The following GAS2 variants were observed in gnomAD, a reference collection of about 807,000 sequenced individuals.
The protein encoded by GAS2 is growth arrest specific 2.
In GAS2, 20 loss-of-function variants were observed where a neutral mutation model predicts 37.5. The ratio of observed to expected loss-of-function variants is 0.53; its 90% CI spans 0.37 to 0.77. The LOEUF (loss-of-function observed/expected upper bound fraction) is 0.77, where lower values mean the gene tolerates loss of function less well. GAS2 is among the 30% of genes least tolerant of loss of function. The pLI is 0.00. For missense variants in GAS2, 336 were observed against 373.4 expected, an observed-to-expected ratio of 0.90 and a Z score of 0.82; for synonymous variants, 144 against 132.2, an observed-to-expected ratio of 1.09 and a Z score of -0.61.
chr11:22,740,211 A>G (rs2134239346), intron 5 of GAS2, among the ~76,000 whole-genome samples: 1 of 152,314 alleles, frequency 6.6e-6, no homozygotes, highest in East Asian at 1.9e-4. Context: ...GTAATACATT[A>G]TGTGAATAGT....
chr11:22,680,476 C>T (rs1423536064), intron 2 of GAS2, among the ~76,000 whole-genome samples: 1 of 152,060 alleles, frequency 6.6e-6, no homozygotes, highest in Non-Finnish European at 1.5e-5. Context: ...GCATATGAAC[C>T]ACTTTGAATT....
At chr11:22,767,554 T>C (rs1311575584) in intron 7 of GAS2, among the ~76,000 whole-genome samples, 1 of 70,136 alleles carries the variant, frequency 1.4e-5, no homozygotes, top group Non-Finnish European at 4.4e-5. Flanking sequence ...TGTGAATGAT[T>C]TTTTTTGCAA....
chr11:22,692,293 A>G (rs1320311847), intron 3 of GAS2, among the ~76,000 whole-genome samples: 2 of 152,184 alleles, frequency 1.3e-5, no homozygotes, highest in African/African-American at 4.8e-5. Context: ...TTGTAAACCC[A>G]GAAAATCGGA....
chr11:22,728,454 G>A (rs1337765339), intron 4 of GAS2, among the ~76,000 whole-genome samples: 2 of 151,550 alleles, frequency 1.3e-5, no homozygotes, highest in Admixed American at 6.6e-5. Flanking sequence ...ATTATGTCAG[G>A]AAGAACTTTT....
At chr11:22,652,993 G>GTCTTTTTCTTTCTTTCTTTCTTTCTT (rs1554965876) in intron 1 of GAS2, among the ~76,000 whole-genome samples, 1 of 97,036 alleles carries the variant, frequency 1.0e-5, no homozygotes, top group Non-Finnish European at 2.0e-5. Context: ...TTCTTTCTTT[G>GTCTTTTTCTTTCTTTCTTTCTTTCTT]TCTTTCTTTC....
chr11:22,736,687 T>C (rs1476670988), intron 4 of GAS2, among the ~76,000 whole-genome samples: 1 of 152,094 alleles, frequency 6.6e-6, no homozygotes, highest in Non-Finnish European at 1.5e-5. Flanking sequence ...GTTAAATTAT[T>C]ACGGAATTCT....
intron 1 of GAS2, among the ~76,000 whole-genome samples, chr11:22,629,539 G>A (rs1858716167): frequency 6.6e-6 from 1 of 152,100 alleles, no homozygotes; most frequent in South Asian, 2.1e-4. Flanking sequence ...GTTTTAATTT[G>A]CATTTCCCTG....
In GAS2 at chr11:22,765,639, C is replaced by T. The variant is rs565316651; in HGVS notation, c.723+9686C>T. The stretch of plus-strand genomic sequence containing the variant: ...CTAAAATTACAAAAAATTAGCCTGG[C>T]GTGGTGGCAGGCACCTGTAGTCCCA... On this transcript the variant is annotated intron_variant, in intron 7 of 7. Coordinates refer to ENST00000454584, the MANE Select transcript of GAS2 (RefSeq NM_001143830.3). Among the ~76,000 whole-genome samples the T allele has an allele frequency of 5.3e-5, 8 of 151,996 alleles. No homozygotes were observed. In the East Asian group the frequency reaches 7.8e-4, roughly 15 times the overall value.
intron 7 of GAS2, among the ~76,000 whole-genome samples, chr11:22,808,244 G>C (rs1856989381): frequency 6.6e-6 from 1 of 152,152 alleles, no homozygotes; most frequent in Non-Finnish European, 1.5e-5. Flanking sequence ...GCTAGACTTT[G>C]GAGATAGATG....
chr11:22,714,450 C>T (rs1053976702), intron 3 of GAS2, among the ~76,000 whole-genome samples: 1 of 152,080 alleles, frequency 6.6e-6, no homozygotes, highest in Non-Finnish European at 1.5e-5. Flanking sequence ...ACTCCACTGA[C>T]AGCACTAGAT....
chr11:22,713,983 A>G (rs1565104096), intron 3 of GAS2, among the ~76,000 whole-genome samples: 1 of 152,172 alleles, frequency 6.6e-6, no homozygotes, highest in Non-Finnish European at 1.5e-5. Context: ...AAAACAGGGT[A>G]TTCAGGTAAC....
chr11:22,805,367 C>T (rs943349445), intron 7 of GAS2, among the ~76,000 whole-genome samples: 20 of 151,966 alleles, frequency 1.3e-4, no homozygotes, highest in Admixed American at 1.3e-3. Flanking sequence ...ATTTTTGTGG[C>T]AAGAACTCTT....
In GAS2 at chr11:22,685,762, G is replaced by C. The variant is rs146975877; in HGVS notation, c.240G>C (p.Glu80Asp). ...LAETMQEKFKESMDANKPTKN... is the reference protein window; with the variant it reads ...LAETMQEKFKDSMDANKPTKN... Reference sequence around the variant, plus strand: ...AAACTATGCAGGAGAAATTCAAGGAGAGCATGGATGCTAACAAGCCCACAA... The same window carrying C: ...AAACTATGCAGGAGAAATTCAAGGACAGCATGGATGCTAACAAGCCCACAA... The change falls in exon 3 of 8, where the codon GAG (glutamate) becomes GAC (aspartate). Residue 80 changes from glutamate to aspartate, a missense_variant. Coordinates refer to ENST00000454584, the MANE Select transcript of GAS2 (RefSeq NM_001143830.3). 1 of 1,613,596 alleles carries C rather than the reference G, an allele frequency of 6.2e-7. No homozygotes were observed. The highest frequency in any genetic ancestry group is 1.1e-5 in the South Asian group (1 of 90,994).
chr11:22,658,396 T>G (rs1168508897), intron 1 of GAS2, among the ~76,000 whole-genome samples: 1 of 152,058 alleles, frequency 6.6e-6, no homozygotes, highest in East Asian at 1.9e-4. Context: ...ACACAATAGA[T>G]CCCTCTAGAT....
At chr11:22,641,731 G>A (rs1848631245) in intron 1 of GAS2, among the ~76,000 whole-genome samples, 1 of 152,098 alleles carries the variant, frequency 6.6e-6, no homozygotes, top group African/African-American at 2.4e-5. Flanking sequence ...GAGTTTGACT[G>A]ACACAGTTGC....
intron 7 of GAS2, among the ~76,000 whole-genome samples, chr11:22,806,461 A>G (rs762958254): frequency 5.3e-5 from 8 of 152,202 alleles, no homozygotes; most frequent in Non-Finnish European, 7.3e-5. Context: ...GCTTGTATAT[A>G]TACCTAGTGG....
intron 3 of GAS2, among the ~76,000 whole-genome samples, chr11:22,695,214 G>A (rs552824287): frequency 4.3e-4 from 65 of 152,184 alleles, no homozygotes; most frequent in Non-Finnish European, 1.2e-4. Flanking sequence ...CCAGCACTTG[G>A]GAGGCTGAGG....
At chr11:22,693,488 G>A (rs1174922314) in intron 3 of GAS2, among the ~76,000 whole-genome samples, 2 of 151,992 alleles carry the variant, frequency 1.3e-5, no homozygotes, top group African/African-American at 2.4e-5. Context: ...CAATGTTCAG[G>A]TCATTAATAA....
chr11:22,779,900 T>C (rs1855465865), intron 7 of GAS2, among the ~76,000 whole-genome samples: 1 of 152,156 alleles, frequency 6.6e-6, no homozygotes, highest in African/African-American at 2.4e-5. Context: ...GTCTCCCTTT[T>C]AAGGGATACT....
Sources: allele counts gnomAD v4.1 joint callset (sites outside exome capture counted in the v4.1 genomes callset), GRCh38; gene constraint gnomAD v4.1.1; transcripts MANE v1.5; gene names NCBI Gene and HGNC (gene_info 2026-07-23, HGNC 2026-07-21).